The following ERICH1 variants were observed in gnomAD, a reference collection of about 807,000 sequenced individuals.
ERICH1 encodes glutamate-rich protein 1.
Under a neutral mutation model 39.6 loss-of-function variants are expected in ERICH1, and 56 were observed. That is an observed-to-expected ratio of 1.41 (90% CI 1.14 to 1.77). The LOEUF (loss-of-function observed/expected upper bound fraction) is 1.77, where lower values mean the gene tolerates loss of function less well. Among genes scored for constraint, ERICH1 ranks in the 40% most tolerant of loss-of-function variants. ERICH1 has a pLI of 0.00. For missense variants in ERICH1, 826 were observed against 575.4 expected (o/e 1.44, Z -4.45); for synonymous variants, 313 against 223.6 (o/e 1.40, Z -3.57).
chr8:655,997 C>A (rs1378140711), intron 3 of ERICH1, among the ~76,000 whole-genome samples: 2 of 152,110 alleles, frequency 1.3e-5, no homozygotes, highest in Non-Finnish European at 2.9e-5. Flanking sequence ...TCTTCAGCCT[C>A]CGCAGATGCT....
chr8:719,506 G>A (rs948141161), intron 1 of ERICH1, among the ~76,000 whole-genome samples: 5 of 152,220 alleles, frequency 3.3e-5, no homozygotes, highest in African/African-American at 1.2e-4. Flanking sequence ...GTGCTGTGAG[G>A]TCTGCTGGGT....
At chr8:683,962 A>AC (rs1806737339) in intron 3 of ERICH1, among the ~76,000 whole-genome samples, 1 of 152,268 alleles carries the variant, frequency 6.6e-6, no homozygotes, top group Non-Finnish European at 1.5e-5. Flanking sequence ...TTAGTTTTGA[A>AC]TAGGCTTGAA....
intron 2 of ERICH1, among the ~76,000 whole-genome samples, chr8:693,819 TC>T (rs1264717314): frequency 1.1e-4 from 17 of 151,544 alleles, no homozygotes; most frequent in Non-Finnish European, 1.6e-4. Context: ...TACTGGGACG[TC>T]CCCTGCTGCA....
At chr8:615,746 A>C (rs1796872633) in intron 3 of ERICH1, 1 of 153,346 alleles carries the variant, frequency 6.5e-6, no homozygotes, top group African/African-American at 2.4e-5. Flanking sequence ...AATTGAGTGG[A>C]ATGACAGAAA....
At chr8:693,624 G>A (rs1809457503) in intron 2 of ERICH1, among the ~76,000 whole-genome samples, 1 of 151,550 alleles carries the variant, frequency 6.6e-6, no homozygotes, top group Non-Finnish European at 1.5e-5. Context: ...CCTGCTGTGT[G>A]CCCCTCTACC....
At chr8:719,576 C>G (rs4735816) in intron 1 of ERICH1, among the ~76,000 whole-genome samples, 2 of 152,090 alleles carry the variant, frequency 1.3e-5, no homozygotes, top group African/African-American at 4.8e-5. Context: ...GAGGAGACAC[C>G]GCGGGACCAG....
At chr8:633,005 G>T (rs1267242175) in intron 3 of ERICH1, among the ~76,000 whole-genome samples, 1 of 152,240 alleles carries the variant, frequency 6.6e-6, no homozygotes, top group Non-Finnish European at 1.5e-5. Context: ...GAGGGAGGCA[G>T]ATCGGCCAGA....
At chr8:718,351 G>A (rs1040963500) in intron 1 of ERICH1, among the ~76,000 whole-genome samples, 2 of 152,154 alleles carry the variant, frequency 1.3e-5, no homozygotes, top group Middle Eastern at 3.4e-3. Flanking sequence ...AGCTAAAAGC[G>A]ACATAATAAG....
intron 2 of ERICH1, among the ~76,000 whole-genome samples, chr8:698,218 C>CTTTTTTTTTTTT (rs1265587829): frequency 1.1e-5 from 1 of 94,508 alleles, no homozygotes. Context: ...AATCATATTC[C>CTTTTTTTTTTTT]TTTTCTTTTT....
chr8:662,213 A>G (rs138046793), downstream of ERICH1, among the ~76,000 whole-genome samples: 49 of 152,398 alleles, frequency 3.2e-4, no homozygotes, highest in African/African-American at 1.1e-3. Context: ...CACCCCTGCA[A>G]TGGTGCATTC....
intron 2 of ERICH1, among the ~76,000 whole-genome samples, chr8:705,997 C>A (rs1345843777): frequency 2.0e-5 from 3 of 152,160 alleles, no homozygotes; most frequent in Non-Finnish European, 4.4e-5. Context: ...TTTCACCGCA[C>A]CTTCTTAATG....
At chr8:717,788 G>T (rs1816361744) in intron 1 of ERICH1, among the ~76,000 whole-genome samples, 1 of 152,348 alleles carries the variant, frequency 6.6e-6, no homozygotes, top group East Asian at 1.9e-4. Context: ...TCTGGAGCCA[G>T]GAAAATGCTA....
chr8:664,571 A>C lies in ERICH1; in HGVS notation c.*32T>G. On this transcript the variant is annotated 3_prime_UTR_variant, in exon 6 of 6. Coordinates refer to ENST00000262109, the MANE Select transcript of ERICH1 (RefSeq NM_207332.3). Reference sequence around the variant, plus strand: ...ATTTGTCTTTTAAGTTTTTTTGTTAAAGAGGAGCTGTTCTTAAAGAGATAT... The same window carrying C: ...ATTTGTCTTTTAAGTTTTTTTGTTACAGAGGAGCTGTTCTTAAAGAGATAT... 1 of 1,581,278 alleles carries C rather than the reference A, an allele frequency of 6.3e-7. No homozygotes were observed. The highest frequency in any genetic ancestry group is 8.6e-7 in the Non-Finnish European group (1 of 1,165,796).
intron 2 of ERICH1, among the ~76,000 whole-genome samples, chr8:705,616 G>A (rs796641674): frequency 6.6e-6 from 1 of 152,190 alleles, no homozygotes; most frequent in African/African-American, 2.4e-5. Flanking sequence ...GATCAGGAAT[G>A]AGACCAGGAT....
At chr8:651,186 C>A (rs2117319127) in intron 3 of ERICH1, among the ~76,000 whole-genome samples, 1 of 152,272 alleles carries the variant, frequency 6.6e-6, no homozygotes, top group African/African-American at 2.4e-5. Flanking sequence ...TTGTTTTGGG[C>A]TTCAGTTCAC....
intron 3 of ERICH1, among the ~76,000 whole-genome samples, chr8:618,877 A>G (rs1447319049): frequency 6.6e-6 from 1 of 152,168 alleles, no homozygotes; most frequent in Non-Finnish European, 1.5e-5. Context: ...GGTAGAGGAC[A>G]CAGCTGCCGT....
intron 3 of ERICH1, among the ~76,000 whole-genome samples, chr8:638,050 G>T (rs1584988643): frequency 6.6e-6 from 1 of 152,264 alleles, no homozygotes; most frequent in East Asian, 1.9e-4. Context: ...ACAGAAGCCT[G>T]TTCTCTAGGA....
At chr8:636,677 G>A (rs978380071) in intron 3 of ERICH1, among the ~76,000 whole-genome samples, 1 of 152,242 alleles carries the variant, frequency 6.6e-6, no homozygotes, top group Admixed American at 6.5e-5. Context: ...ATAAAGGGTC[G>A]CTGCTGCAGT....
At chr8:623,048 G>T (rs1217486294) in intron 3 of ERICH1, among the ~76,000 whole-genome samples, 1 of 151,986 alleles carries the variant, frequency 6.6e-6, no homozygotes, top group East Asian at 1.9e-4. Context: ...ACAGAAGAGG[G>T]TTTAACACTT....
Sources: gnomAD v4.1 joint callset for allele counts (sites outside exome capture counted in the v4.1 genomes callset) on GRCh38, gnomAD v4.1.1 for gene constraint, MANE v1.5 for transcripts, NCBI Gene and HGNC (gene_info 2026-07-23, HGNC 2026-07-21) for gene names.